ARHGAP24: variants seen among roughly 807,000 people sequenced by gnomAD.
ARHGAP24 encodes the protein Rho GTPase activating protein 24.
Under a neutral mutation model 76.4 loss-of-function variants are expected in ARHGAP24, and 50 were observed. The observed-to-expected ratio is 0.65, with a 90% CI of 0.52 to 0.83. ARHGAP24 has a LOEUF of 0.83. Among genes scored for constraint, ARHGAP24 ranks in the 40% least tolerant of loss-of-function variants. The pLI is 0.00. For synonymous variants in ARHGAP24, 345 were observed against 323.3 expected, an observed-to-expected ratio of 1.07 and a Z score of -0.72; for missense variants, 930 against 914.2, an observed-to-expected ratio of 1.02 and a Z score of -0.22.
chr4:85,622,271 G>A (rs1282873297), intron 2 of ARHGAP24, among the ~76,000 whole-genome samples: 18 of 88,824 alleles, frequency 2.0e-4, no homozygotes, highest in African/African-American at 7.4e-4. Flanking sequence ...AACAGTCCCC[G>A]GTGTGTGATG....
At chr4:85,743,307 A>G (rs2110061675) in intron 3 of ARHGAP24, among the ~76,000 whole-genome samples, 1 of 148,788 alleles carries the variant, frequency 6.7e-6, no homozygotes, top group Admixed American at 6.9e-5. Flanking sequence ...CAAATCAAGC[A>G]TTTGAAAGAG....
intron 3 of ARHGAP24, among the ~76,000 whole-genome samples, chr4:85,747,431 C>T (rs1266595654): frequency 6.6e-6 from 1 of 152,136 alleles, no homozygotes; most frequent in Non-Finnish European, 1.5e-5. Flanking sequence ...AGGCCGGGGG[C>T]GGTGGCTCAC....
At chr4:85,763,542 A>G (rs528688855) in intron 3 of ARHGAP24, among the ~76,000 whole-genome samples, 80 of 152,200 alleles carry the variant, frequency 5.3e-4, no homozygotes, top group Non-Finnish European at 1.0e-3. Flanking sequence ...ACTACCAACC[A>G]GTAAGAATGT....
At chr4:85,545,576 T>C (rs1362646254) in intron 1 of ARHGAP24, among the ~76,000 whole-genome samples, 2 of 152,210 alleles carry the variant, frequency 1.3e-5, no homozygotes, top group East Asian at 1.9e-4. Flanking sequence ...AAGAGACAGC[T>C]TCTGAGCCCT....
chr4:85,760,709 G>A (rs1397468882), intron 3 of ARHGAP24, among the ~76,000 whole-genome samples: 1 of 152,120 alleles, frequency 6.6e-6, no homozygotes, highest in Admixed American at 6.5e-5. Context: ...CAGAAGGCCC[G>A]AAGCCAAAAA....
intron 2 of ARHGAP24, among the ~76,000 whole-genome samples, chr4:85,582,601 T>C (rs1727663234): frequency 6.6e-6 from 1 of 152,118 alleles, no homozygotes; most frequent in South Asian, 2.1e-4. Flanking sequence ...CAATGAATTA[T>C]GTTTACAAAG....
intron 3 of ARHGAP24, among the ~76,000 whole-genome samples, chr4:85,871,485 T>A (rs1359046188): frequency 1.3e-5 from 2 of 152,204 alleles, no homozygotes; most frequent in Non-Finnish European, 2.9e-5. Context: ...ACAGAAAGAA[T>A]GAAAAGGTAA....
chr4:85,771,958 C>G (rs1301083879), intron 3 of ARHGAP24, among the ~76,000 whole-genome samples: 1 of 152,182 alleles, frequency 6.6e-6, no homozygotes, highest in African/African-American at 2.4e-5. Context: ...ATCCACCCAC[C>G]TTGGCCTGCC....
At chr4:85,887,382 A>G (rs1046441758) in intron 3 of ARHGAP24, among the ~76,000 whole-genome samples, 2 of 152,140 alleles carry the variant, frequency 1.3e-5, no homozygotes, top group African/African-American at 4.8e-5. Context: ...ATTATTAATC[A>G]AAGGAGAGGT....
intron 3 of ARHGAP24, among the ~76,000 whole-genome samples, chr4:85,743,874 T>C (rs977162662): frequency 6.6e-6 from 1 of 152,316 alleles, no homozygotes; most frequent in South Asian, 2.1e-4. Flanking sequence ...AATTAGCAAC[T>C]ACTAAGTTGT....
At chr4:85,748,563 T>G (rs1157686127) in intron 3 of ARHGAP24, among the ~76,000 whole-genome samples, 1 of 152,186 alleles carries the variant, frequency 6.6e-6, no homozygotes, top group East Asian at 1.9e-4. Context: ...AGCCAAGTAT[T>G]TGGACGTTTA....
Position 86,000,622 on chromosome 4 carries a change from A to G in ARHGAP24, c.2147A>G (p.Asp716Gly), listed in dbSNP as rs376614296. 4.3e-6 allele frequency: 7 copies of G among 1,614,116 alleles called. No homozygotes were observed. The highest frequency in any genetic ancestry group is 2.2e-5 in the South Asian group (2 of 91,082). Residue 716 changes from aspartate to glycine, a missense_variant, in exon 10 of 10, where the codon GAC becomes GGC. Physicochemically the swap from Asp to Gly is moderately conservative, Grantham distance 94. Coordinates refer to ENST00000395184, the MANE Select transcript of ARHGAP24 (RefSeq NM_001025616.3). ...AAAGAAGATGCCGAGAAAAGAAATGACATGCTACAGAAAGAAATGGAGCAG... is the reference window on the plus strand; with the variant it reads ...AAAGAAGATGCCGAGAAAAGAAATGGCATGCTACAGAAAGAAATGGAGCAG... ...RAKEDAEKRN[D>G]MLQKEMEQFF...
chr4:85,668,979 C>G (rs191938011), intron 2 of ARHGAP24, among the ~76,000 whole-genome samples: 15 of 152,126 alleles, frequency 9.9e-5, no homozygotes, highest in African/African-American at 3.4e-4. Context: ...GATTTAGGTC[C>G]TAGGTTCAGT....
intron 2 of ARHGAP24, among the ~76,000 whole-genome samples, chr4:85,681,151 T>C (rs1250872328): frequency 6.6e-6 from 1 of 152,212 alleles, no homozygotes; most frequent in African/African-American, 2.4e-5. Flanking sequence ...TCATCAAGTC[T>C]TGCTTTCTGA....
At chr4:85,823,971 G>C (rs1308323197) in intron 3 of ARHGAP24, among the ~76,000 whole-genome samples, 3 of 150,904 alleles carry the variant, frequency 2.0e-5, no homozygotes, top group Admixed American at 1.3e-4. Context: ...TACATCTTAA[G>C]ATAGAAAAGG....
chr4:85,583,519 G>A (rs1727699450), intron 2 of ARHGAP24, among the ~76,000 whole-genome samples: 1 of 152,024 alleles, frequency 6.6e-6, no homozygotes, highest in African/African-American at 2.4e-5. Context: ...TACCATTCAG[G>A]ACATAGGCAT....
At chr4:85,880,613 C>T (rs1305113310) in intron 3 of ARHGAP24, among the ~76,000 whole-genome samples, 1 of 152,132 alleles carries the variant, frequency 6.6e-6, no homozygotes, top group Non-Finnish European at 1.5e-5. Flanking sequence ...ACTGCAAGCT[C>T]CGCCTCCCGG....
chr4:85,518,428 C>A (rs989489540), intron 1 of ARHGAP24, among the ~76,000 whole-genome samples: 1 of 151,930 alleles, frequency 6.6e-6, no homozygotes. Flanking sequence ...TGAGTAAGTT[C>A]TTTAGTGGTG....
chr4:85,488,007 G>A (rs1374644879), intron 1 of ARHGAP24, among the ~76,000 whole-genome samples: 1 of 148,910 alleles, frequency 6.7e-6, no homozygotes, highest in Non-Finnish European at 1.5e-5. Context: ...CTGGGTTCAC[G>A]CCATTCTCCT....
Sources: gnomAD v4.1 joint callset for allele counts (sites outside exome capture counted in the v4.1 genomes callset) on GRCh38, gnomAD v4.1.1 for gene constraint, MANE v1.5 for transcripts, NCBI Gene and HGNC (gene_info 2026-07-23, HGNC 2026-07-21) for gene names.